The following SETD2 variants were observed in gnomAD, a reference collection of about 807,000 sequenced individuals.
SETD2 encodes SET domain containing 2, histone lysine methyltransferase, also known as histone-lysine N-methyltransferase SETD2.
Under a neutral mutation model 242.1 loss-of-function variants are expected in SETD2, and 31 were observed. The ratio of observed to expected loss-of-function variants is 0.13; its 90% CI spans 0.10 to 0.17. The LOEUF (loss-of-function observed/expected upper bound fraction) is 0.17, where lower values mean the gene tolerates loss of function less well. SETD2 is among the 10% of genes least tolerant of loss of function. The pLI, the probability that SETD2 is intolerant of heterozygous loss-of-function variation, is 1.00. For synonymous variants in SETD2, 1,006 were observed against 1,066.5 expected, an observed-to-expected ratio of 0.94 and a Z score of 1.11; for missense variants, 2,481 against 3,046.3, an observed-to-expected ratio of 0.81 and a Z score of 4.37.
chr3:47,062,378 T>C, intron 13 of SETD2, 32 bp from the exon 14 acceptor site: 1 of 1,556,104 alleles, frequency 6.4e-7, no homozygotes. Context: ...TTTGTTTTTT[T>C]TTTTTTTAAG....
chr3:47,035,326 T>C (rs1382708265), intron 18 of SETD2, among the ~76,000 whole-genome samples: 2 of 152,186 alleles, frequency 1.3e-5, no homozygotes, highest in African/African-American at 4.8e-5. Context: ...GGTCAACCCC[T>C]CCAGTCCATC....
At chr3:47,080,947 C>T (rs1452759680) in intron 12 of SETD2, 1 of 986,964 alleles carries the variant, frequency 1.0e-6, no homozygotes, top group Non-Finnish European at 1.2e-6. Flanking sequence ...ATCCAACTTC[C>T]CAACCATCTT....
At chr3:47,096,212 G>A (rs2042000118) in intron 9 of SETD2, among the ~76,000 whole-genome samples, 2 of 152,210 alleles carry the variant, frequency 1.3e-5, no homozygotes, top group African/African-American at 2.4e-5. Context: ...TAAGAGCAGA[G>A]ACAAGATGCT....
At chr3:47,041,238 A>G in intron 17 of SETD2, 1 of 275,364 alleles carries the variant, frequency 3.6e-6, no homozygotes, top group Non-Finnish European at 7.5e-6. Flanking sequence ...AAGCAACCAT[A>G]GACAATTTGT....
At chr3:47,074,369 G>A (rs2040957926) in intron 12 of SETD2, among the ~76,000 whole-genome samples, 1 of 152,188 alleles carries the variant, frequency 6.6e-6, no homozygotes, top group East Asian at 1.9e-4. Context: ...TTTGCCTCAT[G>A]TGCAGAAATA....
chr3:47,136,324 G>C (rs1050614216), intron 1 of SETD2, among the ~76,000 whole-genome samples: 1 of 151,918 alleles, frequency 6.6e-6, no homozygotes, highest in African/African-American at 2.4e-5. Flanking sequence ...CCTTCTCTCT[G>C]TCCCTCATAC....
At chr3:47,116,889 GC>G in intron 3 of SETD2, 135 bp from the exon 4 acceptor site, 1 of 614,112 alleles carries the variant, frequency 1.6e-6, no homozygotes, top group Non-Finnish European at 2.7e-6. Flanking sequence ...TGTCACCCAG[GC>G]CAGGGTGCAG....
intron 15 of SETD2, among the ~76,000 whole-genome samples, chr3:47,049,372 TTC>T (rs1377015568): frequency 3.3e-5 from 2 of 60,816 alleles, no homozygotes; most frequent in Admixed American, 3.0e-4. Flanking sequence ...TATAAACTTA[TTC>T]TTTTTTTTTT....
At chr3:47,095,135 T>A (rs967212927) in intron 9 of SETD2, among the ~76,000 whole-genome samples, 5 of 152,118 alleles carry the variant, frequency 3.3e-5, no homozygotes, top group African/African-American at 9.7e-5. Flanking sequence ...TTGGGAAGTT[T>A]TTCTTTTTGT....
chr3:47,041,764 T>A (rs2039291859), intron 17 of SETD2, among the ~76,000 whole-genome samples: 2 of 152,218 alleles, frequency 1.3e-5, no homozygotes. Flanking sequence ...CCAGGAATTA[T>A]ACTTCCTTTT....
At chr3:47,069,598 G>T (rs2040726936) in intron 12 of SETD2, among the ~76,000 whole-genome samples, 1 of 152,176 alleles carries the variant, frequency 6.6e-6, no homozygotes, top group African/African-American at 2.4e-5. Context: ...CCACAAGAGA[G>T]AATCTGGGAG....
chr3:47,107,597 C>T (rs2042477128), intron 5 of SETD2, among the ~76,000 whole-genome samples: 1 of 151,876 alleles, frequency 6.6e-6, no homozygotes, highest in East Asian at 1.9e-4. Flanking sequence ...TTTCTAACCC[C>T]AGAAGCTTAT....
chr3:47,117,917 A>C (rs1257362762), intron 3 of SETD2, among the ~76,000 whole-genome samples: 2 of 152,268 alleles, frequency 1.3e-5, no homozygotes, highest in African/African-American at 4.8e-5. Flanking sequence ...TGGTCAAAAA[A>C]GATCTGTTAT....
At chr3:47,113,566 G>A (rs534243380) in intron 5 of SETD2, among the ~76,000 whole-genome samples, 11 of 152,048 alleles carry the variant, frequency 7.2e-5, no homozygotes, top group South Asian at 2.1e-4. Context: ...CAGGCGCGAC[G>A]GCTCACACCT....
intron 1 of SETD2, among the ~76,000 whole-genome samples, chr3:47,143,649 A>C (rs1575841552): frequency 6.6e-6 from 1 of 152,230 alleles, no homozygotes; most frequent in East Asian, 1.9e-4. Flanking sequence ...CTATAAAACA[A>C]ACTTTTATCA....
At chr3:47,065,884 T>C (rs1171633607) in intron 13 of SETD2, among the ~76,000 whole-genome samples, 1 of 152,214 alleles carries the variant, frequency 6.6e-6, no homozygotes, top group Non-Finnish European at 1.5e-5. Flanking sequence ...ATGGCCTCCC[T>C]GCTATCCATT....
At chr3:47,132,581 A>G (rs964711185) in intron 1 of SETD2, among the ~76,000 whole-genome samples, 3 of 152,242 alleles carry the variant, frequency 2.0e-5, no homozygotes, top group Admixed American at 6.5e-5. Context: ...CTTAACTAAG[A>G]TAAGACAAAG....
chr3:47,125,463 T>A (rs12107634), intron 2 of SETD2, among the ~76,000 whole-genome samples: 6,443 of 151,948 alleles, frequency 0.042, 471 homozygotes, highest in African/African-American at 0.15. Flanking sequence ...TTTTGGTTTT[T>A]AAAAAAAACA....
intron 18 of SETD2, among the ~76,000 whole-genome samples, chr3:47,024,098 G>A (rs1428694971): frequency 6.6e-6 from 1 of 152,186 alleles, no homozygotes; most frequent in Admixed American, 6.5e-5. Context: ...CCAGCACTTT[G>A]GGAGGCCGAG....
Sources: allele counts gnomAD v4.1 joint callset (sites outside exome capture counted in the v4.1 genomes callset), GRCh38; gene constraint gnomAD v4.1.1; transcripts MANE v1.5; gene names NCBI Gene and HGNC (gene_info 2026-07-23, HGNC 2026-07-21).